The following PRR16 variants were observed in gnomAD, a reference collection of about 807,000 sequenced individuals.
PRR16 encodes protein Largen.
In PRR16, 6 loss-of-function variants were observed where a neutral mutation model predicts 18.2. The ratio of observed to expected loss-of-function variants is 0.33; its 90% CI spans 0.18 to 0.65. PRR16 has a LOEUF of 0.65. Among genes scored for constraint, PRR16 ranks in the 30% least tolerant of loss-of-function variants. PRR16 has a pLI of 0.74. For synonymous variants in PRR16, 151 were observed against 147.8 expected (o/e 1.02, Z -0.16); for missense variants, 412 against 376.6 (o/e 1.09, Z -0.78).
chr5:120,746,741 C>G, the PRR16 span, among the ~76,000 whole-genome samples: 1 of 151,876 alleles, frequency 6.6e-6, no homozygotes, highest in East Asian at 1.9e-4. Flanking sequence ...AATGTAGAGC[C>G]AGAGTTGAGA....
chr5:120,541,525 C>A (rs558252771), intron 1 of PRR16, among the ~76,000 whole-genome samples: 1 of 152,130 alleles, frequency 6.6e-6, no homozygotes, highest in African/African-American at 2.4e-5. Flanking sequence ...GATTTTGTTA[C>A]GTCTAGACCA....
chr5:120,774,225 C>T, the PRR16 span, among the ~76,000 whole-genome samples: 16 of 152,048 alleles, frequency 1.1e-4, no homozygotes, highest in Non-Finnish European at 2.1e-4. Context: ...CGATTCTTAG[C>T]TACCTATGGA....
the PRR16 span, among the ~76,000 whole-genome samples, chr5:120,774,977 C>A: frequency 5.3e-5 from 8 of 152,148 alleles, no homozygotes; most frequent in African/African-American, 1.9e-4. Flanking sequence ...ACATTATCTT[C>A]CTTCCATGCA....
intron 1 of PRR16, among the ~76,000 whole-genome samples, chr5:120,595,726 G>T (rs1168031660): frequency 1.3e-5 from 2 of 151,866 alleles, no homozygotes; most frequent in Admixed American, 6.6e-5. Context: ...TGTTCTCAGG[G>T]TCTTAATAGA....
At chr5:120,701,829 G>A in the PRR16 span, among the ~76,000 whole-genome samples, 2 of 152,146 alleles carry the variant, frequency 1.3e-5, no homozygotes, top group South Asian at 2.1e-4. Context: ...TGGACGTCAG[G>A]CACCTCAGAC....
At chr5:120,732,205 T>G in the PRR16 span, among the ~76,000 whole-genome samples, 1 of 152,320 alleles carries the variant, frequency 6.6e-6, no homozygotes, top group Non-Finnish European at 1.5e-5. Flanking sequence ...AGAATTATAA[T>G]GAACAATTAA....
the PRR16 span, among the ~76,000 whole-genome samples, chr5:120,778,655 G>A: frequency 3.3e-5 from 5 of 152,232 alleles, no homozygotes; most frequent in East Asian, 9.7e-4. Context: ...GATTAGTCAT[G>A]GCTGACCAAA....
the PRR16 span, among the ~76,000 whole-genome samples, chr5:120,716,492 C>T: frequency 6.6e-6 from 1 of 152,148 alleles, no homozygotes; most frequent in African/African-American, 2.4e-5. Flanking sequence ...GTATCACCAG[C>T]CCTAGCCCTT....
chr5:120,613,334 A>G (rs973012766), intron 1 of PRR16, among the ~76,000 whole-genome samples: 1 of 151,288 alleles, frequency 6.6e-6, no homozygotes, highest in African/African-American at 2.4e-5. Flanking sequence ...CTTTTTTGGT[A>G]ACTTCAGTGG....
chr5:120,686,518 G>C lies in PRR16; in HGVS notation c.724G>C (p.Gly242Arg). ...HLHSEPVHPP[G>R]KIPHQGPPLP... ...ACACAGTGAACCTGTCCACCCACCG[G>C]GAAAGATTCCTCACCAAGGCCCTCC... The change falls in exon 2 of 2, where the codon GGA (glycine) becomes CGA (arginine). Residue 242 changes from glycine to arginine, a missense_variant. Gly to Arg is a moderately radical substitution (Grantham distance 125, BLOSUM62 -2). Coordinates refer to ENST00000407149, the MANE Select transcript of PRR16 (RefSeq NM_001300783.2). 1 of 1,613,630 alleles carries C rather than the reference G, an allele frequency of 6.2e-7. No individual in the cohort carries two copies. The highest frequency in any genetic ancestry group is 1.1e-5 in the South Asian group (1 of 91,056).
chr5:120,586,097 A>T (rs1753431995), intron 1 of PRR16, among the ~76,000 whole-genome samples: 1 of 151,668 alleles, frequency 6.6e-6, no homozygotes, highest in Non-Finnish European at 1.5e-5. Flanking sequence ...CATGTGAACC[A>T]GGGAGGTGGA....
intron 1 of PRR16, among the ~76,000 whole-genome samples, chr5:120,679,352 A>G (rs908949110): frequency 2.6e-5 from 4 of 152,130 alleles, no homozygotes; most frequent in Admixed American, 2.6e-4. Context: ...CAAAAAATCT[A>G]TCCCTTCAGT....
At chr5:120,658,976 TC>T (rs1426338801) in intron 1 of PRR16, among the ~76,000 whole-genome samples, 2 of 151,872 alleles carry the variant, frequency 1.3e-5, no homozygotes, top group African/African-American at 4.8e-5. Flanking sequence ...CAATCAGGGT[TC>T]TTTCAGCAGT....
chr5:120,663,363 A>T (rs1463483244), intron 1 of PRR16, among the ~76,000 whole-genome samples: 2 of 152,048 alleles, frequency 1.3e-5, no homozygotes, highest in South Asian at 2.1e-4. Flanking sequence ...TCCTTTCTAA[A>T]CTTTTCACTA....
chr5:120,729,896 T>C, the PRR16 span, among the ~76,000 whole-genome samples: 4 of 152,086 alleles, frequency 2.6e-5, no homozygotes, highest in Admixed American at 6.6e-5. Flanking sequence ...GTTAACTTTT[T>C]CTGTGGTCAA....
the PRR16 span, among the ~76,000 whole-genome samples, chr5:120,754,320 A>C: frequency 1.4e-5 from 1 of 72,954 alleles, no homozygotes; most frequent in Non-Finnish European, 2.3e-5. Flanking sequence ...TAACATATAA[A>C]TATTATATGT....
chr5:120,782,834 C>A, the PRR16 span, among the ~76,000 whole-genome samples: 6 of 152,234 alleles, frequency 3.9e-5, no homozygotes, highest in African/African-American at 1.4e-4. Context: ...CTGAACCCAC[C>A]AGTTCAGATG....
At chr5:120,629,189 C>G (rs1220114657) in intron 1 of PRR16, among the ~76,000 whole-genome samples, 3 of 152,020 alleles carry the variant, frequency 2.0e-5, no homozygotes, top group African/African-American at 7.2e-5. Flanking sequence ...CAGCTCCATC[C>G]TTTGAGATTT....
At chr5:120,567,317 A>G (rs908971858) in intron 1 of PRR16, among the ~76,000 whole-genome samples, 6 of 152,080 alleles carry the variant, frequency 3.9e-5, no homozygotes, top group African/African-American at 1.2e-4. Context: ...CCTACCTCTG[A>G]TAGGACTTCT....
Sources: allele counts gnomAD v4.1 joint callset (sites outside exome capture counted in the v4.1 genomes callset), GRCh38; gene constraint gnomAD v4.1.1; transcripts MANE v1.5; gene names NCBI Gene and HGNC (gene_info 2026-07-23, HGNC 2026-07-21).